WDR33: variants seen among roughly 807,000 people sequenced by gnomAD.
The protein encoded by WDR33 is WD repeat domain 33.
WDR33 carries 47 observed loss-of-function variants against 164.9 expected under a neutral mutation model. The observed-to-expected ratio is 0.29, with a 90% confidence interval of 0.23 to 0.36. The LOEUF (loss-of-function observed/expected upper bound fraction) is 0.36. Ranked by LOEUF, WDR33 falls within the 10% of genes least tolerant of loss-of-function variation. WDR33 has a pLI of 1.00. For synonymous variants in WDR33, 505 were observed against 589.0 expected, an observed-to-expected ratio of 0.86 and a Z score of 2.06; for missense variants, 1,137 against 1,754.1, an observed-to-expected ratio of 0.65 and a Z score of 6.28.
intron 1 of WDR33, among the ~76,000 whole-genome samples, chr2:127,780,559 A>G (rs964605339): frequency 6.6e-6 from 1 of 152,224 alleles, no homozygotes; most frequent in Non-Finnish European, 1.5e-5. Context: ...TAATCAATGA[A>G]GCTGTTTAAA....
At position 127,725,062 on chromosome 2, in the gene WDR33, T is replaced by G; in HGVS notation, c.1005A>C (p.Thr335=). The change falls in exon 9 of 22, where the codon ACA becomes ACC. Residue 335 remains threonine, a splice_region_variant and synonymous_variant. Transcript: ENST00000322313. ...QVFRGHKKEA[T]AVAWHPVHEG... ...GAGAAGCATATCACAGCCACTGACC[T>G]GTGGCTTCTTTCTTATGACCTCGGA... 3 of 1,613,686 alleles carry G rather than the reference T, an allele frequency of 1.9e-6. No homozygotes were observed. Among genetic ancestry groups the G allele is most frequent in the African/African-American group, 1.3e-5 (1 of 74,976 alleles).
chr2:127,722,297 A>G lies in WDR33; in HGVS notation c.1518+294T>C, dbSNP rs752210905. On this transcript the variant is annotated intron_variant, in intron 14 of 21. Coordinates refer to ENST00000322313, the MANE Select transcript of WDR33 (RefSeq NM_018383.5). This position sits in a 1 kb window ranked among gnomAD's most constrained non-coding sequence, Gnocchi z 5.1. ...GACAATTAAAGCACAAGATAGATAAACAATGGAGAAGAGAAGCAACATACT... is the reference window on the plus strand; with the variant it reads ...GACAATTAAAGCACAAGATAGATAAGCAATGGAGAAGAGAAGCAACATACT... 1.1e-4 allele frequency among the ~76,000 whole-genome samples: 16 copies of G among 152,234 alleles called. No homozygotes were observed. Among genetic ancestry groups the G allele is most frequent in the Non-Finnish European group, 2.4e-4 (16 of 68,042 alleles).
At chr2:127,734,016 A>C (rs889359387) in intron 7 of WDR33, among the ~76,000 whole-genome samples, 1 of 152,226 alleles carries the variant, frequency 6.6e-6, no homozygotes, top group Non-Finnish European at 1.5e-5. Context: ...TGAAGTGGAT[A>C]GTCCCTTCTG....
intron 18 of WDR33, among the ~76,000 whole-genome samples, chr2:127,711,380 A>T (rs1320153634): frequency 6.7e-6 from 1 of 148,776 alleles, no homozygotes; most frequent in African/African-American, 2.5e-5. Context: ...AGCCGAGATC[A>T]TGCCACTGCA....
intron 7 of WDR33, among the ~76,000 whole-genome samples, chr2:127,761,127 C>G (rs1687660395): frequency 6.6e-6 from 1 of 152,130 alleles, no homozygotes; most frequent in African/African-American, 2.4e-5. Context: ...TTTTTAAAAT[C>G]CAAGCAGCAA....
At position 127,720,197 on chromosome 2, in the gene WDR33, T is replaced by C. The variant is rs1468897810; in HGVS notation, c.1828A>G (p.Met610Val). 6.2e-7 allele frequency: 1 copy of C among 1,611,892 alleles called. No individual in the cohort carries two copies. Among genetic ancestry groups the C allele is most frequent in the Middle Eastern group, 1.7e-4 (1 of 6,048 alleles). Residue 610 changes from methionine to valine, a missense_variant, in exon 16 of 22, where the codon ATG becomes GTG. By Grantham distance (21) the Met-to-Val change is conservative. Coordinates refer to ENST00000322313, the MANE Select transcript of WDR33 (RefSeq NM_018383.5). This position sits in a 1 kb window ranked among gnomAD's most constrained non-coding sequence, Gnocchi z 5.9. ...GFQQPHPSQQ[M>V]PMNMAQMGPP... is the part of the protein sequence containing the mutation. ...CCCATTTGAGCCATGTTCATTGGCA[T>C]CTGCTGAGATGGATGGGGCTGTTGA...
At position 127,708,141 on chromosome 2, in the gene WDR33, T is replaced by C. The variant is rs1686063483; in HGVS notation, c.3781+536A>G. ...ATAGTCAGCCTTCAGAGGCAACTAC[T>C]CCTGGCTAAAGTTAGTGCTGCCTAT... is the stretch of plus-strand genomic sequence containing the variant. On this transcript the variant is annotated intron_variant, in intron 21 of 21. Coordinates refer to ENST00000322313, the MANE Select transcript of WDR33 (RefSeq NM_018383.5). This position sits in a 1 kb window ranked among gnomAD's most constrained non-coding sequence, Gnocchi z 6.7. Among the ~76,000 whole-genome samples, 1 of 152,180 alleles carries C rather than the reference T, an allele frequency of 6.6e-6. No homozygotes were observed. Among genetic ancestry groups the C allele is most frequent in the Non-Finnish European group, 1.5e-5 (1 of 68,036 alleles).
At chr2:127,774,049 T>C (rs1305013976) in intron 1 of WDR33, among the ~76,000 whole-genome samples, 1 of 104,400 alleles carries the variant, frequency 9.6e-6, no homozygotes, top group Non-Finnish European at 1.8e-5. Flanking sequence ...CCCAAAAGCC[T>C]TTTTTTTTTT....
At chr2:127,786,528 C>T (rs1211554531) in intron 1 of WDR33, among the ~76,000 whole-genome samples, 2 of 152,102 alleles carry the variant, frequency 1.3e-5, no homozygotes, top group African/African-American at 4.8e-5. Flanking sequence ...ACTAAAAATA[C>T]AAACATTAGC....
chr2:127,732,409 A>T (rs13393445), intron 7 of WDR33, among the ~76,000 whole-genome samples: 52,943 of 151,466 alleles, frequency 0.35, 10,506 homozygotes, highest in African/African-American at 0.54. Context: ...GCAGCCTCTG[A>T]CTCCTGGGCT....
At chr2:127,768,083 C>A in intron 4 of WDR33, 106 bp downstream of exon 4, 3 of 659,962 alleles carry the variant, frequency 4.5e-6, no homozygotes, top group Middle Eastern at 4.5e-4. Context: ...AATTATAAGC[C>A]CAGATATACT....
intron 1 of WDR33, among the ~76,000 whole-genome samples, chr2:127,773,086 T>C (rs1348397066): frequency 1.3e-5 from 2 of 151,984 alleles, no homozygotes; most frequent in Non-Finnish European, 2.9e-5. Flanking sequence ...CAGTGAACCA[T>C]GATAGCACCA....
rs1246374475 is a variant in WDR33, at chr2:127,703,084, T to C, written c.*3239A>G. The stretch of plus-strand genomic sequence containing the variant: ...TTTAGGTTCAGCAGTTACTTTTAAC[T>C]ACCTTAATTTATTGCCAGAAGGTAT... On this transcript the variant is annotated 3_prime_UTR_variant, in exon 22 of 22. Transcript: ENST00000322313. 3 of 167,082 alleles carry C rather than the reference T, an allele frequency of 1.8e-5. No homozygotes were observed. Among genetic ancestry groups the C allele is most frequent in the Non-Finnish European group, 4.4e-5 (3 of 68,126 alleles). The allele number at this position is 167,082 out of a possible 1,614,324, so 10.3% of individuals were successfully genotyped here.
At chr2:127,711,240 C>T (rs1686152760) in intron 18 of WDR33, among the ~76,000 whole-genome samples, 1 of 152,076 alleles carries the variant, frequency 6.6e-6, no homozygotes, top group South Asian at 2.1e-4. Flanking sequence ...GCCTGGCCAA[C>T]ATGGCTAAAC....
In WDR33 at chr2:127,763,096, G is replaced by A. The variant is rs570392377; in HGVS notation, c.690C>T (p.Asp230=). Residue 230 remains aspartate (D), a synonymous_variant, in exon 7 of 22, where the codon GAC becomes GAT. Coordinates refer to ENST00000322313, the MANE Select transcript of WDR33 (RefSeq NM_018383.5). The surrounding 1 kb of genome is among the most constrained non-coding windows in gnomAD (Gnocchi z 4.5). ...CSDDGTVRIW[D]FLRCHEERIL... is the part of the protein sequence containing the mutation. ...TTCTTTCCTCATGGCAACGAAGAAA[G>A]TCCCAGATTCTAACAGTGCCGTCAT... The A allele has an allele frequency of 6.2e-7, 1 of 1,614,068 alleles. No homozygotes were observed. Among genetic ancestry groups the A allele is most frequent in the East Asian group, 2.2e-5 (1 of 44,864 alleles).
chr2:127,735,338 CTT>C lies in WDR33; in HGVS notation c.725-8563_725-8562del. The C allele has an allele frequency of 1.0e-6, 1 of 980,650 alleles. No homozygotes were observed. Among genetic ancestry groups the C allele is most frequent in the Non-Finnish European group, 1.2e-6 (1 of 825,382 alleles). The allele number at this position is 980,650 out of a possible 1,614,324, so 60.7% of individuals were successfully genotyped here. A position where few individuals can be genotyped will look rare whatever the true frequency, so the allele number is the denominator to read the frequency against. On this transcript the variant is annotated intron_variant, in intron 7 of 21. Transcript: ENST00000322313. This position sits in a 1 kb window ranked among gnomAD's most constrained non-coding sequence, Gnocchi z 4.3. ...TACCCCAAGCCCCTAAATAACCTGT[CTT>C]GAGACAGTCCATAGGATCCCAAAGC...
At chr2:127,750,896 ATTGAT>A (rs1687339979) in intron 7 of WDR33, among the ~76,000 whole-genome samples, 1 of 151,262 alleles carries the variant, frequency 6.6e-6, no homozygotes, top group African/African-American at 2.4e-5. Flanking sequence ...TTTTACAGTA[ATTGAT>A]TTAATGATTC....
rs534783435 is a variant in WDR33, at chr2:127,742,674, A to C, written c.725-15897T>G. Among the ~76,000 whole-genome samples the C allele has an allele frequency of 3.3e-5, 5 of 152,100 alleles. No individual in the cohort carries two copies. In the South Asian group the frequency reaches 1.0e-3, roughly 32 times the overall value. On this transcript the variant is annotated intron_variant, in intron 7 of 21. Coordinates refer to ENST00000322313, the MANE Select transcript of WDR33 (RefSeq NM_018383.5). Reference sequence around the variant, plus strand: ...AGGAACACAAAACATGTAAGAAAAAATAATACTAGATAGACAGCTCCAAAC... The same window carrying C: ...AGGAACACAAAACATGTAAGAAAAACTAATACTAGATAGACAGCTCCAAAC...
At position 127,701,860 on chromosome 2, in the gene WDR33, T is replaced by C. The variant is rs1423449876; in HGVS notation, c.*4463A>G. On this transcript the variant is annotated 3_prime_UTR_variant, in exon 22 of 22. Coordinates refer to ENST00000322313, the MANE Select transcript of WDR33 (RefSeq NM_018383.5). Reference sequence around the variant, plus strand: ...CTGCGCGCGCGCAAGTTCGCGCTGCTCTGGTCACTGGGCTCGGCGCTGGCG... The same window carrying C: ...CTGCGCGCGCGCAAGTTCGCGCTGCCCTGGTCACTGGGCTCGGCGCTGGCG... 8 of 1,461,174 alleles carry C rather than the reference T, an allele frequency of 5.5e-6. No individual in the cohort carries two copies. The highest frequency in any genetic ancestry group is 7.2e-6 in the Non-Finnish European group (8 of 1,111,910). The allele number at this position is 1,461,174 out of a possible 1,614,324, so 90.5% of individuals were successfully genotyped here.
Sources: allele counts gnomAD v4.1 joint callset (sites outside exome capture counted in the v4.1 genomes callset), GRCh38; gene constraint gnomAD v4.1.1; non-coding constraint Gnocchi (gnomAD v3.1); transcripts MANE v1.5; gene names NCBI Gene and HGNC (gene_info 2026-07-23, HGNC 2026-07-21).